PCDHGB1: variants seen among roughly 807,000 people sequenced by gnomAD.
The protein encoded by PCDHGB1 is protocadherin gamma-B1.
In PCDHGB1, 34 loss-of-function variants were observed where a neutral mutation model predicts 56.6. The ratio of observed to expected loss-of-function variants is 0.60; its 90% CI spans 0.46 to 0.80. PCDHGB1 has a LOEUF of 0.80. PCDHGB1 is among the 30% of genes least tolerant of loss of function. The pLI is 0.00. For missense variants in PCDHGB1, 1,278 were observed against 1,204.6 expected, an observed-to-expected ratio of 1.06 and a Z score of -0.90; for synonymous variants, 561 against 505.9, an observed-to-expected ratio of 1.11 and a Z score of -1.46.
intron 1 of PCDHGB1, chr5:141,410,799 C>A: frequency 1.8e-6 from 1 of 560,610 alleles, no homozygotes; most frequent in Non-Finnish European, 2.6e-6. Flanking sequence ...ATAAGTTGCT[C>A]TATCTTTTTG....
chr5:141,405,901 G>A (rs954255473), intron 1 of PCDHGB1, among the ~76,000 whole-genome samples: 1 of 152,092 alleles, frequency 6.6e-6, no homozygotes, highest in Non-Finnish European at 1.5e-5. Context: ...ACTGAAAGGA[G>A]GCATTTATTA....
chr5:141,494,764 T>A (rs773955144), intron 1 of PCDHGB1, 43 bp from the exon 2 acceptor site: 1 of 1,613,932 alleles, frequency 6.2e-7, no homozygotes, highest in Non-Finnish European at 8.5e-7. Context: ...ACATTCTAAC[T>A]TCTCACGGGT....
intron 1 of PCDHGB1, among the ~76,000 whole-genome samples, chr5:141,407,122 G>A (rs987492570): frequency 3.9e-5 from 6 of 152,094 alleles, no homozygotes; most frequent in African/African-American, 1.4e-4. Context: ...GGTTTCAGTT[G>A]CTTTATTTTT....
Position 141,506,556 on chromosome 5 carries a change from AC to A in PCDHGB1, c.2557+1080del, listed in dbSNP as rs560503002. Among the ~76,000 whole-genome samples the A allele has an allele frequency of 4.0e-4, 60 of 151,718 alleles. 1 individual carries two copies. In the East Asian group the frequency reaches 0.011, roughly 28 times the overall value. ...AATGAGTCCTTAGGTAAGTTATTAA[AC>A]CCCCTCGGTTTCACTTACTATTAAT... On this transcript the variant is annotated intron_variant, in intron 3 of 3. Coordinates refer to ENST00000523390, the MANE Select transcript of PCDHGB1 (RefSeq NM_018922.3).
intron 1 of PCDHGB1, among the ~76,000 whole-genome samples, chr5:141,453,176 C>T (rs1225418058): frequency 6.6e-6 from 1 of 152,042 alleles, no homozygotes; most frequent in Non-Finnish European, 1.5e-5. Flanking sequence ...TCCAGTGGTA[C>T]AATCACAGCT....
intron 2 of PCDHGB1, among the ~76,000 whole-genome samples, chr5:141,498,112 AG>A (rs947089103): frequency 2.0e-5 from 3 of 152,232 alleles, no homozygotes; most frequent in African/African-American, 7.2e-5. Flanking sequence ...GGCGTATAAT[AG>A]GGATTTGATT....
chr5:141,398,643 C>G, intron 1 of PCDHGB1: 2 of 1,614,024 alleles, frequency 1.2e-6, no homozygotes, highest in Non-Finnish European at 1.7e-6. Context: ...AGTATAAACT[C>G]TCTCTTAACC....
intron 1 of PCDHGB1, chr5:141,409,634 G>GGA (rs766487639): frequency 1.2e-6 from 2 of 1,613,720 alleles, no homozygotes; most frequent in African/African-American, 2.7e-5. Flanking sequence ...GAGCGCCTCT[G>GGA]ACCCGGATTT....
intron 1 of PCDHGB1, chr5:141,364,423 C>T (rs773799474): frequency 6.2e-7 from 1 of 1,613,592 alleles, no homozygotes; most frequent in South Asian, 1.1e-5. Context: ...CCGGGCAGAT[C>T]CGCTACTCGA....
rs536970079 is a variant in PCDHGB1 at position 141,405,367 on chromosome 5, T to C, written c.2409+52698T>C. The C allele has an allele frequency of 1.9e-5, 30 of 1,613,694 alleles. No homozygotes were observed. In the African/African-American group the frequency reaches 3.2e-4, roughly 17 times the overall value. The stretch of plus-strand genomic sequence containing the variant: ...CCAAGTTTCCTATAGAAGACACCCC[T>C]TTGGTTCCGGTGAGTTCATTTTTTT... On this transcript the variant is annotated intron_variant, in intron 1 of 3. Transcript: ENST00000523390.
chr5:141,385,513 A>C (rs1781236036), intron 1 of PCDHGB1: 1 of 1,373,372 alleles, frequency 7.3e-7, no homozygotes, highest in Non-Finnish European at 9.4e-7. Flanking sequence ...CTTTAGTGAA[A>C]GCCTATGGAC....
intron 1 of PCDHGB1, chr5:141,392,935 A>G: frequency 1.2e-6 from 2 of 1,613,932 alleles, no homozygotes; most frequent in Non-Finnish European, 1.7e-6. Flanking sequence ...GAGACGGACA[A>G]AGGCTCCTTC....
chr5:141,475,741 G>C (rs1455125695), intron 1 of PCDHGB1, among the ~76,000 whole-genome samples: 1 of 152,268 alleles, frequency 6.6e-6, no homozygotes, highest in Non-Finnish European at 1.5e-5. Flanking sequence ...CCCTAAGGTA[G>C]GTTTCCTATG....
Position 141,432,403 on chromosome 5 carries a change from G to A in PCDHGB1, c.2410-62404G>A, listed in dbSNP as rs1279890312. The A allele has an allele frequency of 6.2e-7, 1 of 1,614,242 alleles. No homozygotes were observed. The highest frequency in any genetic ancestry group is 8.5e-7 in the Non-Finnish European group (1 of 1,180,052). On this transcript the variant is annotated intron_variant, in intron 1 of 3. Coordinates refer to ENST00000523390, the MANE Select transcript of PCDHGB1 (RefSeq NM_018922.3). The surrounding 1 kb of genome is among the most constrained non-coding windows in gnomAD (Gnocchi z 6.0). ...CGCCCCTCAGCAGCAACGTGTCGTT[G>A]AGCCTGTTCGTGCTGGACCAGAACG...
At chr5:141,394,660 T>G in intron 1 of PCDHGB1, 1 of 1,613,264 alleles carries the variant, frequency 6.2e-7, no homozygotes, top group East Asian at 2.2e-5. Context: ...GAGCCGGGAC[T>G]CTTCTCGGTG....
At chr5:141,502,398 C>T (rs1303456458) in intron 2 of PCDHGB1, among the ~76,000 whole-genome samples, 1 of 151,688 alleles carries the variant, frequency 6.6e-6, no homozygotes, top group Non-Finnish European at 1.5e-5. Flanking sequence ...TTAAAATGTC[C>T]CCGAACCTGG....
intron 1 of PCDHGB1, chr5:141,442,112 C>CTCG (rs2098300474): frequency 6.0e-6 from 1 of 166,158 alleles, no homozygotes; most frequent in Admixed American, 6.5e-5. Context: ...ACTACCGCCC[C>CTCG]TCGTCGCCGA....
At chr5:141,451,049 C>T (rs538627151) in intron 1 of PCDHGB1, among the ~76,000 whole-genome samples, 1 of 151,422 alleles carries the variant, frequency 6.6e-6, no homozygotes, top group African/African-American at 2.4e-5. Context: ...AGGCTGGTCT[C>T]GAACTCCTGA....
intron 1 of PCDHGB1, chr5:141,441,986 C>G (rs2098288559): frequency 7.4e-6 from 2 of 269,216 alleles, no homozygotes; most frequent in Non-Finnish European, 1.5e-5. Flanking sequence ...GAATGCGCAC[C>G]GACGAGGTGC....
Sources: allele counts gnomAD v4.1 joint callset (sites outside exome capture counted in the v4.1 genomes callset), GRCh38; gene constraint gnomAD v4.1.1; non-coding constraint Gnocchi (gnomAD v3.1); transcripts MANE v1.5; gene names NCBI Gene and HGNC (gene_info 2026-07-23, HGNC 2026-07-21).